FHIT: variants seen among roughly 807,000 people sequenced by gnomAD.
The protein encoded by FHIT is fragile histidine triad diadenosine triphosphatase, also known as bis(5'-adenosyl)-triphosphatase.
A neutral mutation model predicts 17.9 loss-of-function variants in FHIT; 19 were observed. The ratio of observed to expected loss-of-function variants is 1.06; its 90% CI spans 0.74 to 1.56. FHIT has a LOEUF of 1.56. Ranked by LOEUF, FHIT falls within the 40% of genes most tolerant of loss-of-function variation. FHIT has a pLI of 0.00. For missense variants in FHIT, 248 were observed against 189.2 expected (o/e 1.31, Z -1.82); for synonymous variants, 81 against 69.7 (o/e 1.16, Z -0.81).
At chr3:61,066,132 C>T (rs1428674750) in intron 2 of FHIT, among the ~76,000 whole-genome samples, 1 of 152,156 alleles carries the variant, frequency 6.6e-6, no homozygotes, top group East Asian at 1.9e-4. Flanking sequence ...ACTTGGATAA[C>T]AAACCCACTC....
intron 4 of FHIT, among the ~76,000 whole-genome samples, chr3:60,605,135 G>A (rs1553670606): frequency 6.6e-6 from 1 of 152,052 alleles, no homozygotes; most frequent in African/African-American, 2.4e-5. Context: ...GAGAGATGCA[G>A]TTGATTTTCC....
intron 1 of FHIT, among the ~76,000 whole-genome samples, chr3:61,216,749 G>A (rs2039688350): frequency 6.6e-6 from 1 of 152,146 alleles, no homozygotes; most frequent in South Asian, 2.1e-4. Context: ...CGACCCAAAT[G>A]TCCAACAATG....
chr3:60,856,379 T>A (rs576524282), intron 3 of FHIT: 3 of 152,216 alleles, frequency 2.0e-5, no homozygotes, highest in African/African-American at 7.2e-5. Context: ...AGATTTTTTT[T>A]AAAATGAAGA....
intron 3 of FHIT, among the ~76,000 whole-genome samples, chr3:60,888,391 G>T (rs1173414753): frequency 6.6e-6 from 1 of 152,108 alleles, no homozygotes; most frequent in African/African-American, 2.4e-5. Flanking sequence ...GATTATAGTA[G>T]AATTCTACGC....
intron 5 of FHIT, among the ~76,000 whole-genome samples, chr3:60,052,274 G>A (rs212043): frequency 0.68 from 103,180 of 151,952 alleles, 36,241 homozygotes; most frequent in Non-Finnish European, 0.77. Flanking sequence ...AATAGAACGA[G>A]TGGCATCCTG....
chr3:61,197,542 G>A (rs2038887233), intron 2 of FHIT, among the ~76,000 whole-genome samples: 1 of 152,052 alleles, frequency 6.6e-6, no homozygotes, highest in South Asian at 2.1e-4. Flanking sequence ...AGACACAAGG[G>A]GAAATAGAGA....
At chr3:60,564,016 G>T (rs955161466) in intron 4 of FHIT, among the ~76,000 whole-genome samples, 1 of 152,166 alleles carries the variant, frequency 6.6e-6, no homozygotes, top group Non-Finnish European at 1.5e-5. Context: ...GAGAGGAGAA[G>T]TTAGTGCCTG....
At chr3:60,803,006 A>G (rs923897803) in intron 4 of FHIT, among the ~76,000 whole-genome samples, 1 of 151,960 alleles carries the variant, frequency 6.6e-6, no homozygotes, top group African/African-American at 2.4e-5. Flanking sequence ...TTGCCAAACC[A>G]AACCGAAATA....
intron 2 of FHIT, among the ~76,000 whole-genome samples, chr3:61,156,774 A>G (rs538352650): frequency 3.3e-5 from 5 of 152,346 alleles, no homozygotes; most frequent in South Asian, 4.1e-4. Flanking sequence ...CATCATGCCA[A>G]TGCTTCACCT....
chr3:60,944,311 C>T (rs536051305), intron 3 of FHIT, among the ~76,000 whole-genome samples: 40 of 150,916 alleles, frequency 2.7e-4, no homozygotes, highest in Non-Finnish European at 4.9e-4. Context: ...GCTATGCTTT[C>T]CAAAAGCAGT....
rs569923943 is a variant in FHIT at position 61,016,946 on chromosome 3, T to C, written c.-111+25101A>G. Among the ~76,000 whole-genome samples the C allele has an allele frequency of 8.5e-5, 13 of 152,274 alleles. No individual in the cohort carries two copies. In the East Asian group the frequency reaches 2.1e-3, roughly 25 times the overall value. On this transcript the variant is annotated intron_variant, in intron 3 of 9. Coordinates refer to ENST00000492590, the MANE Select transcript of FHIT (RefSeq NM_002012.4). ...CCTGTATACTTGCAAGGGCAAAATA[T>C]CACAAAAACAACCCTAATGCAAGAG...
At chr3:59,763,671 A>G (rs1312528874) in intron 8 of FHIT, among the ~76,000 whole-genome samples, 1 of 152,178 alleles carries the variant, frequency 6.6e-6, no homozygotes, top group Non-Finnish European at 1.5e-5. Flanking sequence ...GGGAGGGAAT[A>G]AAAGAGGGAG....
chr3:61,040,972 C>T (rs1025171077), intron 3 of FHIT, among the ~76,000 whole-genome samples: 3 of 152,168 alleles, frequency 2.0e-5, no homozygotes, highest in Admixed American at 6.5e-5. Context: ...ATTTTCCCTG[C>T]CTCCCCTTCC....
intron 9 of FHIT, chr3:59,750,542 C>G: frequency 4.4e-6 from 1 of 225,506 alleles, no homozygotes; most frequent in Non-Finnish European, 8.8e-6. Context: ...GGAAAAGGTT[C>G]AAAATAAAAT....
chr3:60,801,810 C>G (rs1553732423), intron 4 of FHIT, among the ~76,000 whole-genome samples: 3 of 152,142 alleles, frequency 2.0e-5, no homozygotes, highest in Non-Finnish European at 4.4e-5. Context: ...ACGGTAGGCT[C>G]TATATACATA....
At chr3:61,048,249 A>C (rs2033888747) in intron 2 of FHIT, among the ~76,000 whole-genome samples, 1 of 152,196 alleles carries the variant, frequency 6.6e-6, no homozygotes, top group African/African-American at 2.4e-5. Flanking sequence ...AAATATCCAG[A>C]AATCTTCCAA....
At chr3:59,763,772 G>T (rs1201125649) in intron 8 of FHIT, among the ~76,000 whole-genome samples, 3 of 152,176 alleles carry the variant, frequency 2.0e-5, no homozygotes, top group African/African-American at 4.8e-5. Context: ...AGGGAAGAAG[G>T]AGGCATCTGT....
intron 5 of FHIT, among the ~76,000 whole-genome samples, chr3:60,277,760 C>G (rs1442238889): frequency 6.6e-6 from 1 of 152,016 alleles, no homozygotes; most frequent in Non-Finnish European, 1.5e-5. Flanking sequence ...GTTCTCCTTT[C>G]TCTTTCTTTT....
chr3:61,144,802 G>T (rs1429042060), intron 2 of FHIT, among the ~76,000 whole-genome samples: 1 of 152,170 alleles, frequency 6.6e-6, no homozygotes, highest in East Asian at 1.9e-4. Flanking sequence ...AGTAATGAGT[G>T]ATACTAAGCA....
Sources: allele counts gnomAD v4.1 joint callset (sites outside exome capture counted in the v4.1 genomes callset), GRCh38; gene constraint gnomAD v4.1.1; transcripts MANE v1.5; gene names NCBI Gene and HGNC (gene_info 2026-07-23, HGNC 2026-07-21).